The following ST18 variants were observed in gnomAD, a reference collection of about 807,000 sequenced individuals.
ST18 encodes suppression of tumorigenicity 18 protein.
Under a neutral mutation model 110.0 loss-of-function variants are expected in ST18, and 50 were observed. The observed-to-expected ratio is 0.45, with a 90% confidence interval of 0.36 to 0.58. The LOEUF (loss-of-function observed/expected upper bound fraction) is 0.58, where lower values mean the gene tolerates loss of function less well. ST18 is among the 20% of genes least tolerant of loss of function. The pLI is 0.00. For missense variants in ST18, 1,306 were observed against 1,280.1 expected (o/e 1.02, Z -0.31); for synonymous variants, 461 against 452.4 (o/e 1.02, Z -0.24).
At chr8:52,265,818 G>A (rs148286885) in intron 2 of ST18, among the ~76,000 whole-genome samples, 295 of 152,308 alleles carry the variant, frequency 1.9e-3, no homozygotes, top group African/African-American at 6.6e-3. Context: ...GAATTTGGGT[G>A]TCATAGCCAT....
intron 14 of ST18, 58 bp downstream of exon 14, chr8:52,161,317 A>G: frequency 1.4e-5 from 22 of 1,570,178 alleles, no homozygotes; most frequent in South Asian, 2.4e-5. Context: ...CCCAGTACAC[A>G]CATACACCCA....
At chr8:52,333,606 A>T (rs1446432602) in intron 2 of ST18, among the ~76,000 whole-genome samples, 1 of 152,240 alleles carries the variant, frequency 6.6e-6, no homozygotes, top group Non-Finnish European at 1.5e-5. Context: ...GTGGGGGCGA[A>T]GCCAGGGAAG....
At chr8:52,196,743 AG>A (rs1481506439) in intron 8 of ST18, among the ~76,000 whole-genome samples, 1 of 152,178 alleles carries the variant, frequency 6.6e-6, no homozygotes, top group African/African-American at 2.4e-5. Flanking sequence ...TAGTGTATAT[AG>A]GGTTTGGTAC....
At chr8:52,143,136 G>T in intron 16 of ST18, 91 bp from the exon 17 acceptor site, 1 of 821,410 alleles carries the variant, frequency 1.2e-6, no homozygotes, top group South Asian at 1.6e-5. Flanking sequence ...AGCCAGGTTT[G>T]AGTTTTGGCT....
At chr8:52,148,610 G>T (rs1322846434) in intron 16 of ST18, among the ~76,000 whole-genome samples, 6 of 150,620 alleles carry the variant, frequency 4.0e-5, no homozygotes, top group African/African-American at 1.5e-4. Flanking sequence ...CAGGTCCCAT[G>T]TCACTGACTG....
chr8:52,237,989 A>C (rs1335007612), intron 2 of ST18, among the ~76,000 whole-genome samples: 1 of 152,216 alleles, frequency 6.6e-6, no homozygotes, highest in Admixed American at 6.5e-5. Context: ...TCATTAGGGA[A>C]ATGCAAGTTA....
chr8:52,387,137 A>G (rs1252550624), intron 2 of ST18, among the ~76,000 whole-genome samples: 1 of 149,204 alleles, frequency 6.7e-6, no homozygotes, highest in South Asian at 2.1e-4. Flanking sequence ...TTCTTCATCC[A>G]TCTATCCCTC....
At chr8:52,261,088 G>A (rs1280445201) in intron 2 of ST18, among the ~76,000 whole-genome samples, 7 of 152,202 alleles carry the variant, frequency 4.6e-5, no homozygotes, top group African/African-American at 1.7e-4. Context: ...TCCTGGGATT[G>A]GAGGTGAGGA....
chr8:52,347,336 T>C (rs1428333602), intron 2 of ST18, among the ~76,000 whole-genome samples: 1 of 152,106 alleles, frequency 6.6e-6, no homozygotes, highest in Non-Finnish European at 1.5e-5. Flanking sequence ...AAAGTATAAA[T>C]TGATGAGAAG....
chr8:52,140,547 TGATA>T (rs56988793), intron 17 of ST18, among the ~76,000 whole-genome samples: 60,402 of 147,144 alleles, frequency 0.41, 12,919 homozygotes, highest in Middle Eastern at 0.55. Context: ...AGATGATAGA[TGATA>T]GATAGATAGA....
chr8:52,325,306 C>A (rs1265764988), intron 2 of ST18, among the ~76,000 whole-genome samples: 1 of 152,126 alleles, frequency 6.6e-6, no homozygotes, highest in African/African-American at 2.4e-5. Context: ...AAAATGATAG[C>A]CCCATTTATA....
chr8:52,286,782 T>G (rs966422343), intron 2 of ST18, among the ~76,000 whole-genome samples: 6 of 150,370 alleles, frequency 4.0e-5, no homozygotes, highest in Non-Finnish European at 8.9e-5. Flanking sequence ...GATAATCAAG[T>G]CTTTGGTTCT....
chr8:52,350,251 CCCAATCCTTCTATTCT>C, intron 2 of ST18, among the ~76,000 whole-genome samples: 3 of 152,200 alleles, frequency 2.0e-5, no homozygotes, highest in African/African-American at 7.2e-5. Flanking sequence ...TATTAGGTAT[CCCAATCCTTCTATTCT>C]ATGACGGACA....
rs375952314 is a variant in ST18 at position 52,128,746 on chromosome 8, C to CA, written c.2667-2607dup. 5.7e-4 allele frequency among the ~76,000 whole-genome samples: 87 copies of CA among 152,292 alleles called. 3 individuals are homozygous for CA. The highest frequency in any genetic ancestry group is 1.3e-3 in the African/African-American group (54 of 41,568). Reference sequence around the variant, plus strand: ...TTAAACCTTAGGGGAAGTGGGGTGACACTGGCTTTCACGTGCCAACCTGTA... The same window carrying CA: ...TTAAACCTTAGGGGAAGTGGGGTGACAACTGGCTTTCACGTGCCAACCTGTA... On this transcript the variant is annotated intron_variant, in intron 22 of 25. Transcript: ENST00000689386.
chr8:52,176,527 C>G (rs2067021716), intron 9 of ST18, among the ~76,000 whole-genome samples: 1 of 152,184 alleles, frequency 6.6e-6, no homozygotes, highest in Admixed American at 6.5e-5. Context: ...GTTCGCTGGT[C>G]CAGGCCTTTC....
intron 2 of ST18, among the ~76,000 whole-genome samples, chr8:52,326,843 T>C (rs1806666008): frequency 6.6e-6 from 1 of 152,170 alleles, no homozygotes; most frequent in Non-Finnish European, 1.5e-5. Context: ...AATGAATATG[T>C]CACAGCTTCT....
At chr8:52,177,712 A>G (rs2067469712) in intron 9 of ST18, among the ~76,000 whole-genome samples, 1 of 152,206 alleles carries the variant, frequency 6.6e-6, no homozygotes, top group Admixed American at 6.5e-5. Context: ...ATTACAGAGC[A>G]TAGTTAGTTG....
At position 52,144,263 on chromosome 8, in the gene ST18, A is replaced by G. The variant is rs1003909013; in HGVS notation, c.2053-1218T>C. On this transcript the variant is annotated intron_variant, in intron 16 of 25. Transcript: ENST00000689386. ...AAAATCAGATGAACTAATAAAAAAA[A>G]CTGTCTTCTAAATCTCAAAAGTACT... 2.0e-5 allele frequency among the ~76,000 whole-genome samples: 3 copies of G among 152,136 alleles called. No homozygotes were observed. In the East Asian group the frequency reaches 5.8e-4, roughly 29 times the overall value.
intron 9 of ST18, among the ~76,000 whole-genome samples, chr8:52,178,647 C>CAAAAAAAAAA (rs2068028796): frequency 1.4e-5 from 1 of 70,614 alleles, no homozygotes; most frequent in Admixed American, 1.7e-4. Flanking sequence ...AAAAAAACCA[C>CAAAAAAAAAA]CAAAAACCAA....
Sources: gnomAD v4.1 joint callset for allele counts (sites outside exome capture counted in the v4.1 genomes callset) on GRCh38, gnomAD v4.1.1 for gene constraint, MANE v1.5 for transcripts, NCBI Gene and HGNC (gene_info 2026-07-23, HGNC 2026-07-21) for gene names.